The following NSD3 variants were observed in gnomAD, a reference collection of about 807,000 sequenced individuals.
NSD3 encodes histone-lysine N-methyltransferase NSD3.
In NSD3, 24 loss-of-function variants were observed where a neutral mutation model predicts 160.8. The ratio of observed to expected loss-of-function variants is 0.15; its 90% CI spans 0.11 to 0.21. NSD3 has a LOEUF of 0.21. NSD3 is among the 10% of genes least tolerant of loss of function. The pLI is 1.00. For missense variants in NSD3, 1,157 were observed against 1,735.9 expected (o/e 0.67, Z 5.93); for synonymous variants, 520 against 600.0 (o/e 0.87, Z 1.95).
intron 15 of NSD3, among the ~76,000 whole-genome samples, chr8:38,297,189 G>A (rs1376849538): frequency 6.6e-6 from 1 of 152,124 alleles, no homozygotes; most frequent in East Asian, 1.9e-4. Flanking sequence ...CATATGCAAG[G>A]AGCTAATTCC....
rs768279880 is a variant in NSD3 at position 38,288,446 on chromosome 8, G to C, written c.3501+41C>G. 1 of 1,594,934 alleles carries C rather than the reference G, an allele frequency of 6.3e-7. No homozygotes were observed. Among genetic ancestry groups the C allele is most frequent in the South Asian group, 1.1e-5 (1 of 88,438 alleles). On this transcript the variant is annotated intron_variant, in intron 19 of 23. Coordinates refer to ENST00000317025, the MANE Select transcript of NSD3 (RefSeq NM_023034.2). The surrounding 1 kb of genome is among the most constrained non-coding windows in gnomAD (Gnocchi z 4.5). The stretch of plus-strand genomic sequence containing the variant: ...CTACTGAAGCATTCCTGAAAAGCCA[G>C]GTTCTGGTCTCTTCCACCCCCCACC...
rs1808913858 is a variant in NSD3 at position 38,288,301 on chromosome 8, C to T, written c.3501+186G>A. 6.6e-6 allele frequency among the ~76,000 whole-genome samples: 1 copy of T among 152,184 alleles called. No individual in the cohort carries two copies. Among genetic ancestry groups the T allele is most frequent in the African/African-American group, 2.4e-5 (1 of 41,440 alleles). On this transcript the variant is annotated intron_variant, in intron 19 of 23. Transcript: ENST00000317025. This position sits in a 1 kb window ranked among gnomAD's most constrained non-coding sequence, Gnocchi z 4.5. ...CCACTGGACACTCAAAGTTTAAGCA[C>T]ATTTTATCACTATCTTCTTCCTACT...
chr8:38,381,153 A>G (rs149310215), intron 1 of NSD3, among the ~76,000 whole-genome samples: 4 of 152,194 alleles, frequency 2.6e-5, no homozygotes, highest in Admixed American at 6.5e-5. Context: ...CTCTGACGCT[A>G]AGTCGATCGT....
At chr8:38,372,998 C>T (rs1163357604) in intron 1 of NSD3, among the ~76,000 whole-genome samples, 2 of 147,130 alleles carry the variant, frequency 1.4e-5, no homozygotes, top group Non-Finnish European at 3.0e-5. Flanking sequence ...TGCAGTGAGC[C>T]GAGATTGCGC....
At position 38,317,341 on chromosome 8, in the gene NSD3, C is replaced by CCA. The variant is rs1156477442; in HGVS notation, c.1856-1300_1856-1299insTG. The CCA allele has an allele frequency of 5.7e-6, 6 of 1,057,788 alleles. No homozygotes were observed. The African/African-American group carries it at 9.9e-5, about 17-fold the overall frequency. 65.5% of individuals were successfully genotyped at this position (1,057,788 alleles called of 1,614,324 possible). On this transcript the variant is annotated intron_variant, in intron 9 of 23. Coordinates refer to ENST00000317025, the MANE Select transcript of NSD3 (RefSeq NM_023034.2). This position sits in a 1 kb window ranked among gnomAD's most constrained non-coding sequence, Gnocchi z 5.3. The stretch of plus-strand genomic sequence containing the variant: ...GTACACAAATCTATCTCCTTCATTG[C>CCA]TGGTGTATGGACCCAGAACACCATC...
chr8:38,337,529 C>T (rs1810251743), intron 3 of NSD3, 62 bp from the exon 4 acceptor site: 2 of 1,339,628 alleles, frequency 1.5e-6, no homozygotes, highest in Non-Finnish European at 2.0e-6. Context: ...GTATAAAGTA[C>T]ATTAAAAATG....
intron 4 of NSD3, among the ~76,000 whole-genome samples, chr8:38,332,820 A>C (rs570440212): frequency 3.2e-4 from 49 of 152,284 alleles, no homozygotes; most frequent in Middle Eastern, 3.4e-3. Flanking sequence ...GTAAAAAAAA[A>C]CTGATCTTTT....
intron 23 of NSD3, 43 bp downstream of exon 23, chr8:38,276,253 C>G (rs764942025): frequency 6.3e-7 from 1 of 1,595,802 alleles, no homozygotes; most frequent in Non-Finnish European, 8.6e-7. Context: ...ACATAGTTGG[C>G]AAAGACACAA....
At chr8:38,356,617 T>G (rs1349959347) in intron 1 of NSD3, among the ~76,000 whole-genome samples, 12 of 152,190 alleles carry the variant, frequency 7.9e-5, no homozygotes, top group Non-Finnish European at 2.9e-5. Context: ...ATGAACAACT[T>G]GAGCCTATAA....
chr8:38,293,633 T>C (rs1446063515), intron 16 of NSD3, among the ~76,000 whole-genome samples: 1 of 150,756 alleles, frequency 6.6e-6, no homozygotes, highest in Non-Finnish European at 1.5e-5. Context: ...TCTAGAAATA[T>C]ATTTTAGAGC....
Position 38,314,672 on chromosome 8 carries a change from C to T in NSD3, c.2217G>A (p.Lys739=). 4 of 1,614,166 alleles carry T rather than the reference C, an allele frequency of 2.5e-6. No homozygotes were observed. The highest frequency in any genetic ancestry group is 3.3e-5 in the Admixed American group (2 of 60,020). Residue 739 remains lysine (K), a synonymous_variant, in exon 12 of 24, where the codon AAG becomes AAA. Transcript: ENST00000317025. ...CLGLASLPDS[K]FICMECKTGQ... is the part of the protein sequence containing the mutation. ...CAGTTTTACATTCCATGCAGATGAACTTGCTATCAGGAAGTGATGCCAATC... is the reference window on the plus strand; with the variant it reads ...CAGTTTTACATTCCATGCAGATGAATTTGCTATCAGGAAGTGATGCCAATC...
rs796367186 is a variant in NSD3, at chr8:38,328,931, ATC to A, written c.1581+445_1581+446del. Among the ~76,000 whole-genome samples, 6 of 152,366 alleles carry A rather than the reference ATC, an allele frequency of 3.9e-5. 1 individual carries two copies. Among genetic ancestry groups the A allele is most frequent in the African/African-American group, 1.2e-4 (5 of 41,598 alleles). ...AGTTAGATATCGCAAGCCCATAAGA[ATC>A]TAACAAAATTGCTGGTGGAACCAAA... On this transcript the variant is annotated intron_variant, in intron 6 of 23. Coordinates refer to ENST00000317025, the MANE Select transcript of NSD3 (RefSeq NM_023034.2).
In NSD3 at chr8:38,288,532, C is replaced by A. The variant is rs769133965; in HGVS notation, c.3456G>T (p.Thr1152=). 6.2e-7 allele frequency: 1 copy of A among 1,614,190 alleles called. No homozygotes were observed. Among genetic ancestry groups the A allele is most frequent in the South Asian group, 1.1e-5 (1 of 91,084 alleles). The change falls in exon 19 of 24, where the codon ACG becomes ACT. Residue 1152 remains threonine, a synonymous_variant. Transcript: ENST00000317025. This position sits in a 1 kb window ranked among gnomAD's most constrained non-coding sequence, Gnocchi z 4.5. ...TCCTGAGGCCCCAGCCTCTCCGCTC[C>A]GTTTTGATGATCTCTGCATCAGGGT... ...RLYPDAEIIK[T]ERRGWGLRTK...
chr8:38,368,602 A>AT (rs1442188350), intron 1 of NSD3, among the ~76,000 whole-genome samples: 1 of 152,112 alleles, frequency 6.6e-6, no homozygotes, highest in East Asian at 1.9e-4. Context: ...TGTAGTTCAT[A>AT]TTTTTTTCCT....
intron 2 of NSD3, among the ~76,000 whole-genome samples, chr8:38,339,987 A>G (rs554192357): frequency 2.6e-5 from 4 of 152,318 alleles, no homozygotes; most frequent in Admixed American, 2.6e-4. Flanking sequence ...CCTTGAAAAT[A>G]TTTGGTACAA....
chr8:38,303,456 T>C, intron 14 of NSD3: 1 of 958,180 alleles, frequency 1.0e-6, no homozygotes, highest in Non-Finnish European at 1.2e-6. Flanking sequence ...CACATGTGCT[T>C]ATAAAACAGG....
At chr8:38,355,462 G>A (rs1478369256) in intron 1 of NSD3, among the ~76,000 whole-genome samples, 2 of 150,626 alleles carry the variant, frequency 1.3e-5, no homozygotes, top group African/African-American at 4.9e-5. Flanking sequence ...TCTTTAGCAA[G>A]ATAATGTAAG....
At chr8:38,337,497 G>A (rs1810250812) in intron 3 of NSD3, 30 bp from the exon 4 acceptor site, 2 of 1,508,722 alleles carry the variant, frequency 1.3e-6, no homozygotes, top group Admixed American at 2.5e-5. Context: ...AACTTCATCA[G>A]AAATTCAAAA....
chr8:38,335,780 AT>A (rs1277041851), intron 4 of NSD3, among the ~76,000 whole-genome samples: 1 of 152,158 alleles, frequency 6.6e-6, no homozygotes, highest in Non-Finnish European at 1.5e-5. Flanking sequence ...TGAAATTAAG[AT>A]TTCTTTGAGA....
Sources: gnomAD v4.1 joint callset for allele counts (sites outside exome capture counted in the v4.1 genomes callset) on GRCh38, gnomAD v4.1.1 for gene constraint, Gnocchi (gnomAD v3.1) non-coding constraint, MANE v1.5 for transcripts, NCBI Gene and HGNC (gene_info 2026-07-23, HGNC 2026-07-21) for gene names.